OTUD7A: variants seen among roughly 807,000 people sequenced by gnomAD.
The protein encoded by OTUD7A is OTU domain-containing protein 7A.
Under a neutral mutation model 65.7 loss-of-function variants are expected in OTUD7A, and 12 were observed. The observed-to-expected ratio is 0.18, with a 90% CI of 0.12 to 0.30. The LOEUF (loss-of-function observed/expected upper bound fraction) is 0.30. Among genes scored for constraint, OTUD7A ranks in the 10% least tolerant of loss-of-function variants. The pLI, the probability that OTUD7A is intolerant of heterozygous loss-of-function variation, is 1.00. For synonymous variants in OTUD7A, 641 were observed against 586.3 expected, an observed-to-expected ratio of 1.09 and a Z score of -1.35; for missense variants, 1,148 against 1,304.8, an observed-to-expected ratio of 0.88 and a Z score of 1.85.
intron 1 of OTUD7A, among the ~76,000 whole-genome samples, chr15:31,745,188 T>G (rs888528862): frequency 6.6e-6 from 1 of 152,096 alleles, no homozygotes; most frequent in Non-Finnish European, 1.5e-5. Context: ...TTGTAGAAAC[T>G]GACAAAATTA....
At chr15:31,513,604 T>C (rs2041795381) in intron 8 of OTUD7A, among the ~76,000 whole-genome samples, 1 of 152,228 alleles carries the variant, frequency 6.6e-6, no homozygotes. Flanking sequence ...ATGTCCTTCA[T>C]AAGGGTTTCT....
At chr15:31,759,315 CA>C (rs1419848460) in intron 1 of OTUD7A, among the ~76,000 whole-genome samples, 1 of 152,208 alleles carries the variant, frequency 6.6e-6, no homozygotes, top group Non-Finnish European at 1.5e-5. Context: ...CCCAGGTGAC[CA>C]TAATATGTGG....
At chr15:31,568,810 C>T (rs35332004) in intron 4 of OTUD7A, among the ~76,000 whole-genome samples, 14,544 of 152,216 alleles carry the variant, frequency 0.096, 966 homozygotes, top group East Asian at 0.24. Context: ...TGCAGCACCT[C>T]TGCCTTCCAA....
chr15:31,837,372 C>CAAAAAAAAAAAA (rs57479397), intron 1 of OTUD7A, among the ~76,000 whole-genome samples: 2 of 120,322 alleles, frequency 1.7e-5, no homozygotes, highest in Admixed American at 8.3e-5. Context: ...ACTAAAAATA[C>CAAAAAAAAAAAA]AAAAAAAAAA....
chr15:31,669,739 C>T (rs1014897811), intron 1 of OTUD7A, among the ~76,000 whole-genome samples: 1 of 152,094 alleles, frequency 6.6e-6, no homozygotes, highest in African/African-American at 2.4e-5. Context: ...TTTCCCCCCT[C>T]CTCTGGCTTC....
At chr15:31,849,880 T>C (rs1897378542) in intron 1 of OTUD7A, among the ~76,000 whole-genome samples, 2 of 152,286 alleles carry the variant, frequency 1.3e-5, no homozygotes, top group South Asian at 4.1e-4. Flanking sequence ...AGAATGGTGA[T>C]CATTAAAAAG....
At chr15:31,698,361 T>C (rs1893131834) in intron 1 of OTUD7A, among the ~76,000 whole-genome samples, 1 of 152,154 alleles carries the variant, frequency 6.6e-6, no homozygotes, top group East Asian at 1.9e-4. Flanking sequence ...CAGAGAGTCA[T>C]CCCTCCACCC....
rs930694842 is a variant in OTUD7A at position 31,478,224 on chromosome 15, A to G, written c.*5070T>C. ...ACTCCAGTGTCTGCAGATAAATTCTAAAACAGCTGGTTTCACTCATTTGTC... is the reference window on the plus strand; with the variant it reads ...ACTCCAGTGTCTGCAGATAAATTCTGAAACAGCTGGTTTCACTCATTTGTC... On this transcript the variant is annotated 3_prime_UTR_variant, in exon 13 of 13. Coordinates refer to ENST00000307050, the MANE Select transcript of OTUD7A (RefSeq NM_001382637.1). 1 of 152,260 alleles carries G rather than the reference A, an allele frequency of 6.6e-6. No homozygotes were observed. Among genetic ancestry groups the G allele is most frequent in the Non-Finnish European group, 1.5e-5 (1 of 68,042 alleles). 9.4% of individuals were successfully genotyped at this position (152,260 alleles called of 1,614,324 possible). A position where few individuals can be genotyped will look rare whatever the true frequency, so the allele number is the denominator to read the frequency against.
chr15:31,550,236 T>G (rs2141145346), intron 5 of OTUD7A, among the ~76,000 whole-genome samples: 1 of 151,996 alleles, frequency 6.6e-6, no homozygotes, highest in African/African-American at 2.4e-5. Context: ...CAATAATGAC[T>G]GTATCCCCCA....
chr15:31,584,864 T>A (rs1440885313), intron 3 of OTUD7A, among the ~76,000 whole-genome samples: 1 of 152,188 alleles, frequency 6.6e-6, no homozygotes. Context: ...ATTTATCTAG[T>A]GGAGTATAGA....
At chr15:31,696,646 G>A (rs1222552580) in intron 1 of OTUD7A, among the ~76,000 whole-genome samples, 5 of 149,968 alleles carry the variant, frequency 3.3e-5, no homozygotes, top group Non-Finnish European at 5.9e-5. Flanking sequence ...TCAGAGGCAC[G>A]CGTCCTGGTG....
chr15:31,758,252 C>G (rs549991228), intron 1 of OTUD7A, among the ~76,000 whole-genome samples: 2 of 152,274 alleles, frequency 1.3e-5, no homozygotes, highest in African/African-American at 4.8e-5. Context: ...CACACACACA[C>G]ACACACAAAA....
intron 1 of OTUD7A, among the ~76,000 whole-genome samples, chr15:31,658,998 C>A (rs1453660773): frequency 1.3e-5 from 2 of 150,444 alleles, no homozygotes; most frequent in African/African-American, 4.9e-5. Context: ...CGCCATTGCA[C>A]TCCAGCCTGG....
intron 1 of OTUD7A, among the ~76,000 whole-genome samples, chr15:31,672,444 T>A (rs1446179563): frequency 6.6e-6 from 1 of 152,208 alleles, no homozygotes; most frequent in East Asian, 1.9e-4. Flanking sequence ...CCCCTATCTA[T>A]CTCACTAAGG....
chr15:31,617,031 AAAC>A (rs1371093640), intron 3 of OTUD7A, among the ~76,000 whole-genome samples: 1 of 152,210 alleles, frequency 6.6e-6, no homozygotes, highest in Non-Finnish European at 1.5e-5. Context: ...AAAAAAGGAG[AAAC>A]AACAAGACCA....
intron 10 of OTUD7A, among the ~76,000 whole-genome samples, chr15:31,494,660 G>A (rs2041359353): frequency 6.6e-6 from 1 of 152,210 alleles, no homozygotes; most frequent in Non-Finnish European, 1.5e-5. Flanking sequence ...CAGCCCCAGA[G>A]GGTGCACTCT....
chr15:31,696,982 A>G (rs1392422633), intron 1 of OTUD7A, among the ~76,000 whole-genome samples: 1 of 151,190 alleles, frequency 6.6e-6, no homozygotes, highest in Non-Finnish European at 1.5e-5. Flanking sequence ...TCCCTGGGGG[A>G]ACTATAATTC....
intron 1 of OTUD7A, chr15:31,766,251 G>A: frequency 6.4e-7 from 1 of 1,573,774 alleles, no homozygotes; most frequent in Non-Finnish European, 8.7e-7. Flanking sequence ...TATCAACAGT[G>A]ATCTCGCACC....
chr15:31,685,415 G>A (rs977559048), intron 1 of OTUD7A, among the ~76,000 whole-genome samples: 6 of 152,110 alleles, frequency 3.9e-5, no homozygotes, highest in African/African-American at 1.2e-4. Context: ...GGAGACCAAG[G>A]CGGGTGGATC....
Sources: gnomAD v4.1 joint callset for allele counts (sites outside exome capture counted in the v4.1 genomes callset) on GRCh38, gnomAD v4.1.1 for gene constraint, MANE v1.5 for transcripts, NCBI Gene and HGNC (gene_info 2026-07-23, HGNC 2026-07-21) for gene names.